The following ACBD5 variants were observed in gnomAD, a reference collection of about 807,000 sequenced individuals.
ACBD5 encodes acyl-CoA-binding domain-containing protein 5.
Under a neutral mutation model 71.8 loss-of-function variants are expected in ACBD5, and 40 were observed. That is an observed-to-expected ratio of 0.56 (90% CI 0.43 to 0.72). The LOEUF (loss-of-function observed/expected upper bound fraction) is 0.72, where lower values mean the gene tolerates loss of function less well. Among genes scored for constraint, ACBD5 ranks in the 30% least tolerant of loss-of-function variants. The probability of loss-of-function intolerance (pLI) is 0.00; values close to 1 mark genes in which losing one functional copy is unlikely to be tolerated. For synonymous variants in ACBD5, 229 were observed against 218.6 expected (o/e 1.05, Z -0.42); for missense variants, 559 against 644.5 (o/e 0.87, Z 1.44).
upstream of ACBD5, among the ~76,000 whole-genome samples, chr10:27,241,184 C>G (rs1227281420): frequency 1.3e-5 from 2 of 152,192 alleles, no homozygotes; most frequent in African/African-American, 2.4e-5. Context: ...CCTGCACTCT[C>G]CTAAGTTAAG....
At position 27,195,482 on chromosome 10, in the gene ACBD5, T is replaced by A; in HGVS notation, c.*1948A>T. 1 of 454,314 alleles carries A rather than the reference T, an allele frequency of 2.2e-6. No homozygotes were observed. The highest frequency in any genetic ancestry group is 1.6e-5 in the South Asian group (1 of 64,410). 28.1% of individuals were successfully genotyped at this position (454,314 alleles called of 1,614,324 possible). ...CAGACTGCTTGTAATGATTCACAACTGCTTACACTCTTAATTTGCATTTTA... is the reference window on the plus strand; with the variant it reads ...CAGACTGCTTGTAATGATTCACAACAGCTTACACTCTTAATTTGCATTTTA... On this transcript the variant is annotated 3_prime_UTR_variant, in exon 13 of 13. Transcript: ENST00000396271.
intron 6 of ACBD5, 95 bp downstream of exon 6, chr10:27,219,628 G>T: frequency 1.3e-6 from 2 of 1,523,866 alleles, no homozygotes; most frequent in Non-Finnish European, 1.8e-6. Context: ...CCCACCACCT[G>T]CTTTAATCTT....
chr10:27,190,736 T>C (rs1472584151), downstream of ACBD5, among the ~76,000 whole-genome samples: 2 of 152,244 alleles, frequency 1.3e-5, no homozygotes, highest in African/African-American at 2.4e-5. Context: ...AAGTGTATTG[T>C]ACGGGACAAC....
chr10:27,205,054 G>A (rs1228738071), intron 11 of ACBD5, 144 bp downstream of exon 11: 6 of 701,126 alleles, frequency 8.6e-6, no homozygotes, highest in Non-Finnish European at 1.4e-5. Context: ...GTGAACCCAG[G>A]AGGCAGAGCT....
chr10:27,218,170 C>T lies in ACBD5; in HGVS notation c.639G>A (p.Met213Ile). The T allele has an allele frequency of 6.2e-7, 1 of 1,613,620 alleles. No homozygotes were observed. The highest frequency in any genetic ancestry group is 8.5e-7 in the Non-Finnish European group (1 of 1,179,656). The change falls in exon 7 of 13, where the codon ATG (methionine) becomes ATA (isoleucine). Residue 213 changes from methionine to isoleucine, a missense_variant. Physicochemically the swap from Met to Ile is conservative, Grantham distance 10. Coordinates refer to ENST00000396271, the MANE Select transcript of ACBD5 (RefSeq NM_145698.5). ...AATTCTTATGGTCTGCTGACTTCTT[C>T]ATCATTTTCTTATCTTTTACGAGAA... is the stretch of plus-strand genomic sequence containing the variant. Reference protein sequence around the residue: ...AEQSDNDKKMMKKSADHKNLE... With the variant: ...AEQSDNDKKMIKKSADHKNLE...
intron 6 of ACBD5, 112 bp from the exon 7 acceptor site, chr10:27,218,295 G>C (rs2061901924): frequency 1.1e-6 from 1 of 895,144 alleles, no homozygotes; most frequent in African/African-American, 1.6e-5. Context: ...TCCCTTTGAA[G>C]GGTTTCCTAC....
At chr10:27,235,295 A>G in intron 2 of ACBD5, 83 bp from the exon 3 acceptor site, 1 of 1,499,672 alleles carries the variant, frequency 6.7e-7, no homozygotes, top group Admixed American at 1.7e-5. Flanking sequence ...CTATACTAAT[A>G]GTGATTTTAT....
At chr10:27,224,773 G>A (rs73598048) in intron 4 of ACBD5, among the ~76,000 whole-genome samples, 11,821 of 152,028 alleles carry the variant, frequency 0.078, 667 homozygotes, top group South Asian at 0.18. Flanking sequence ...GCTCACGCCT[G>A]TAATCCCAGC....
intron 6 of ACBD5, 30 bp downstream of exon 6, chr10:27,219,693 A>G: frequency 1.9e-6 from 3 of 1,612,700 alleles, no homozygotes; most frequent in Non-Finnish European, 2.5e-6. Flanking sequence ...TATTTATTGC[A>G]AAATTACTAA....
At chr10:27,237,577 G>A (rs2064883702) in intron 2 of ACBD5, among the ~76,000 whole-genome samples, 1 of 150,568 alleles carries the variant, frequency 6.6e-6, no homozygotes, top group Non-Finnish European at 1.5e-5. Flanking sequence ...GGGGATAACA[G>A]TATACTGGAT....
chr10:27,229,122 T>TTGATTGAA (rs1423588435), intron 4 of ACBD5, among the ~76,000 whole-genome samples: 4 of 150,446 alleles, frequency 2.7e-5, no homozygotes, highest in Non-Finnish European at 4.4e-5. Context: ...ACAGCCGGCG[T>TTGATTGAA]TAAAAGAATT....
At chr10:27,190,215 G>T (rs868450008), downstream of ACBD5, among the ~76,000 whole-genome samples, 2 of 152,258 alleles carry the variant, frequency 1.3e-5, no homozygotes, top group Middle Eastern at 3.4e-3. Flanking sequence ...AACCTGGGAG[G>T]TGGAGGTTAC....
chr10:27,195,951 C>A lies in ACBD5; in HGVS notation c.*1479G>T, dbSNP rs1167796195. The A allele has an allele frequency of 2.3e-6, 1 of 442,694 alleles. No individual in the cohort carries two copies. The highest frequency in any genetic ancestry group is 2.5e-5 in the Admixed American group (1 of 39,594). The allele number at this position is 442,694 out of a possible 1,614,324, so 27.4% of individuals were successfully genotyped here. A position where few individuals can be genotyped will look rare whatever the true frequency, so the allele number is the denominator to read the frequency against. On this transcript the variant is annotated 3_prime_UTR_variant, in exon 13 of 13. Transcript: ENST00000396271. ...GGTGCAGTGGCTCACGCCTCTAATC[C>A]CAGCACTTTGGGAGGCCGAGGCAGG... is the stretch of plus-strand genomic sequence containing the variant.
rs755904341 is a variant in ACBD5 at position 27,210,811 on chromosome 10, C to T, written c.1204+3G>A. ...GTGAGGGAAGAAAAAAGGTAATCCA[C>T]ACCTCTTCCTCTTCTAACATTAGAG... On this transcript the variant is annotated splice_donor_region_variant and intron_variant, in intron 9 of 12. Coordinates refer to ENST00000396271, the MANE Select transcript of ACBD5 (RefSeq NM_145698.5). 11 of 1,614,034 alleles carry T rather than the reference C, an allele frequency of 6.8e-6. No homozygotes were observed. The Admixed American group carries it at 1.3e-4, about 20-fold the overall frequency.
chr10:27,229,893 A>C (rs2780671), intron 4 of ACBD5, among the ~76,000 whole-genome samples: 117,893 of 152,004 alleles, frequency 0.78, 45,982 homozygotes, highest in African/African-American at 0.86. Context: ...TAAAGGAGTT[A>C]CAGGTATTTC....
chr10:27,219,631 T>C, intron 6 of ACBD5, 92 bp downstream of exon 6: 1 of 1,544,454 alleles, frequency 6.5e-7, no homozygotes, highest in South Asian at 1.1e-5. Context: ...ACCACCTGCT[T>C]TAATCTTCTA....
intron 10 of ACBD5, among the ~76,000 whole-genome samples, chr10:27,207,803 C>T (rs566299408): frequency 2.0e-5 from 3 of 151,440 alleles, no homozygotes; most frequent in Non-Finnish European, 4.4e-5. Flanking sequence ...AGTGTGATCT[C>T]GGCTCACTGA....
chr10:27,233,308 T>C (rs1421472807), intron 3 of ACBD5, among the ~76,000 whole-genome samples: 1 of 151,866 alleles, frequency 6.6e-6, no homozygotes, highest in Non-Finnish European at 1.5e-5. Context: ...GCGCCTGTAA[T>C]CCCAGCTACT....
chr10:27,224,782 G>A (rs1158370133), intron 4 of ACBD5, among the ~76,000 whole-genome samples: 3 of 151,482 alleles, frequency 2.0e-5, no homozygotes, highest in Non-Finnish European at 2.9e-5. Context: ...TGTAATCCCA[G>A]CACTTTGGGA....
Sources: gnomAD v4.1 joint callset for allele counts (sites outside exome capture counted in the v4.1 genomes callset) on GRCh38, gnomAD v4.1.1 for gene constraint, MANE v1.5 for transcripts, NCBI Gene and HGNC (gene_info 2026-07-23, HGNC 2026-07-21) for gene names.